Variants in EPHA8 observed in about 807,000 individuals in gnomAD.
The protein encoded by EPHA8 is EPH receptor A8.
EPHA8 carries 58 observed loss-of-function variants against 103.6 expected under a neutral mutation model. The ratio of observed to expected loss-of-function variants is 0.56; its 90% CI spans 0.45 to 0.70. EPHA8 has a LOEUF of 0.70. Ranked by LOEUF, EPHA8 falls within the 30% of genes least tolerant of loss-of-function variation. The pLI is 0.00. For missense variants in EPHA8, 1,304 were observed against 1,395.2 expected (o/e 0.93, Z 1.04); for synonymous variants, 559 against 572.5 (o/e 0.98, Z 0.34).
chr1:22,586,694 G>A, intron 4 of EPHA8, 59 bp downstream of exon 4: 1 of 1,585,062 alleles, frequency 6.3e-7, no homozygotes, highest in Admixed American at 1.7e-5. Flanking sequence ...GGGCCCCTGT[G>A]TTTGGTCCTC....
In EPHA8 at chr1:22,589,498, G is replaced by A; in HGVS notation, c.1315+292G>A. ...TCTCTGTGCCTCAGTTTCCTCCCTG[G>A]TGCAATGGGAATAATAGTACCTGCC... On this transcript the variant is annotated intron_variant, in intron 5 of 16. Transcript: ENST00000166244. This position sits in a 1 kb window ranked among gnomAD's most constrained non-coding sequence, Gnocchi z 4.3. 1 of 1,444,380 alleles carries A rather than the reference G, an allele frequency of 6.9e-7. No homozygotes were observed. Among genetic ancestry groups the A allele is most frequent in the East Asian group, 2.4e-5 (1 of 41,682 alleles). 89.5% of individuals were successfully genotyped at this position (1,444,380 alleles called of 1,614,324 possible).
intron 2 of EPHA8, among the ~76,000 whole-genome samples, chr1:22,575,449 TGTTGTCGA>T (rs1247284973): frequency 6.6e-6 from 1 of 152,232 alleles, no homozygotes; most frequent in Non-Finnish European, 1.5e-5. Context: ...TCTTTTCTGT[TGTTGTCGA>T]GTTGTGGGAA....
At position 22,597,727 on chromosome 1, in the gene EPHA8, A is replaced by T. The variant is rs762652898; in HGVS notation, c.1982A>T (p.Asp661Val). The T allele has an allele frequency of 2.5e-6, 4 of 1,612,892 alleles. No homozygotes were observed. Among genetic ancestry groups the T allele is most frequent in the Non-Finnish European group, 3.4e-6 (4 of 1,179,900 alleles). The part of the protein sequence containing the change: ...YGRLRVPGQR[D>V]VPVAIKALKA... ...AGGCTGCGGGTGCCAGGGCAGCGGGATGTGCCCGTGGCCATCAAGGCCCTC... is the reference window on the plus strand; with the variant it reads ...AGGCTGCGGGTGCCAGGGCAGCGGGTTGTGCCCGTGGCCATCAAGGCCCTC... The change falls in exon 11 of 17, where the codon GAT (aspartate) becomes GTT (valine). Residue 661 changes from aspartate (D) to valine (V), a missense_variant. Asp to Val is a radical substitution (Grantham distance 152). Transcript: ENST00000166244. The surrounding 1 kb of genome is among the most constrained non-coding windows in gnomAD (Gnocchi z 4.6).
chr1:22,571,922 C>A lies in EPHA8; in HGVS notation c.159+2569C>A, dbSNP rs184041269. 1.1e-3 allele frequency among the ~76,000 whole-genome samples: 161 copies of A among 152,134 alleles called. 3 individuals are homozygous for A. The East Asian group carries it at 0.025, about 24-fold the overall frequency. On this transcript the variant is annotated intron_variant, in intron 2 of 16. Transcript: ENST00000166244. ...AGTGGTGGTGCACGCTTGTGGTCCCCGCTACTCAGGAGGCTGAGGTAGGAG... is the reference window on the plus strand; with the variant it reads ...AGTGGTGGTGCACGCTTGTGGTCCCAGCTACTCAGGAGGCTGAGGTAGGAG...
intron 5 of EPHA8, among the ~76,000 whole-genome samples, chr1:22,592,352 A>G (rs1332265785): frequency 3.3e-5 from 5 of 152,018 alleles, no homozygotes; most frequent in Admixed American, 3.3e-4. Context: ...GGTGCTCACT[A>G]GCTTCACTTT....
chr1:22,597,929 T>A lies in EPHA8; in HGVS notation c.2116+68T>A, dbSNP rs1641569536. On this transcript the variant is annotated intron_variant, in intron 11 of 16. Coordinates refer to ENST00000166244, the MANE Select transcript of EPHA8 (RefSeq NM_020526.5). This position sits in a 1 kb window ranked among gnomAD's most constrained non-coding sequence, Gnocchi z 4.6. Reference sequence around the variant, plus strand: ...CTGCCTGGAGAGGCCTCTGGGTCCATCCCCTCATCCATCCTGCTCTGCCCC... The same window carrying A: ...CTGCCTGGAGAGGCCTCTGGGTCCAACCCCTCATCCATCCTGCTCTGCCCC... The A allele has an allele frequency of 6.4e-7, 1 of 1,551,584 alleles. No homozygotes were observed.
rs1383462436 is a variant in EPHA8, at chr1:22,569,258, G to T, written c.95-31G>T. ...GAGGAGCTGGGGAGAAGTCAGAGGG[G>T]CCTGATGCCCTCTTGTCTCCTGTTT... is the stretch of plus-strand genomic sequence containing the variant. On this transcript the variant is annotated intron_variant, in intron 1 of 16. Transcript: ENST00000166244. This position sits in a 1 kb window ranked among gnomAD's most constrained non-coding sequence, Gnocchi z 4.5. 1.2e-6 allele frequency: 2 copies of T among 1,612,406 alleles called. No individual in the cohort carries two copies. Among genetic ancestry groups the T allele is most frequent in the Non-Finnish European group, 1.7e-6 (2 of 1,179,072 alleles).
rs3767563 is a variant in EPHA8, at chr1:22,567,321, A to T, written c.95-1968A>T. On this transcript the variant is annotated intron_variant, in intron 1 of 16. Coordinates refer to ENST00000166244, the MANE Select transcript of EPHA8 (RefSeq NM_020526.5). This position sits in a 1 kb window ranked among gnomAD's most constrained non-coding sequence, Gnocchi z 4.2. Reference sequence around the variant, plus strand: ...ACTCGGCTTTGCTGGTCTGGGGGAAACTGCAGTGCGGCCCCCTCCCCCTCC... The same window carrying T: ...ACTCGGCTTTGCTGGTCTGGGGGAATCTGCAGTGCGGCCCCCTCCCCCTCC... Among the ~76,000 whole-genome samples the T allele has an allele frequency of 8.0e-4, 122 of 152,158 alleles. 2 individuals are homozygous for T. In the East Asian group the frequency reaches 0.019, roughly 24 times the overall value.
Position 22,576,952 on chromosome 1 carries a change from A to G in EPHA8, c.823+72A>G. ...GGTCTTGGCAGGGCTGCCAGGGTGT[A>G]AGGGGGGACGTCAGAGCCCACAGGC... On this transcript the variant is annotated intron_variant, in intron 3 of 16. Transcript: ENST00000166244. This position sits in a 1 kb window ranked among gnomAD's most constrained non-coding sequence, Gnocchi z 4.8. The G allele has an allele frequency of 1.3e-6, 2 of 1,491,324 alleles. No individual in the cohort carries two copies. Among genetic ancestry groups the G allele is most frequent in the Admixed American group, 2.2e-5 (1 of 46,108 alleles). 92.4% of individuals were successfully genotyped at this position (1,491,324 alleles called of 1,614,324 possible).
At chr1:22,581,009 T>C (rs908402247) in intron 3 of EPHA8, among the ~76,000 whole-genome samples, 23 of 152,232 alleles carry the variant, frequency 1.5e-4, no homozygotes, top group African/African-American at 5.3e-4. Flanking sequence ...CTGCTGAGCA[T>C]CTACTGTGTC....
intron 3 of EPHA8, among the ~76,000 whole-genome samples, chr1:22,580,598 C>T (rs1191587560): frequency 6.6e-6 from 1 of 152,226 alleles, no homozygotes; most frequent in Non-Finnish European, 1.5e-5. Flanking sequence ...CCCCAGGCCA[C>T]AAGCTCTCAT....
At chr1:22,590,994 G>A (rs902069345) in intron 5 of EPHA8, among the ~76,000 whole-genome samples, 3 of 150,476 alleles carry the variant, frequency 2.0e-5, no homozygotes, top group African/African-American at 7.4e-5. Context: ...ATGACCAACT[G>A]ACTTCCACCC....
Position 22,576,090 on chromosome 1 carries a change from A to G in EPHA8, c.160-127A>G. The G allele has an allele frequency of 9.3e-7, 1 of 1,079,156 alleles. No individual in the cohort carries two copies. Among genetic ancestry groups the G allele is most frequent in the Non-Finnish European group, 1.3e-6 (1 of 742,570 alleles). The allele number at this position is 1,079,156 out of a possible 1,614,324, so 66.8% of individuals were successfully genotyped here. A position where few individuals can be genotyped will look rare whatever the true frequency, so the allele number is the denominator to read the frequency against. On this transcript the variant is annotated intron_variant, in intron 2 of 16. Transcript: ENST00000166244. The surrounding 1 kb of genome is among the most constrained non-coding windows in gnomAD (Gnocchi z 4.8). ...GTCTGCAGGGGGCCTGGCATCTAGT[A>G]GCCACCAGGAGGCCAGCTCCTTTGT...
chr1:22,593,408 G>T lies in EPHA8; in HGVS notation c.1398G>T (p.Pro466=). Residue 466 remains proline (P), a synonymous_variant, in exon 6 of 17, where the codon CCG becomes CCT. Coordinates refer to ENST00000166244, the MANE Select transcript of EPHA8 (RefSeq NM_020526.5). ...VSLLWQEPEQ[P]NGIILEYEIK... ...TGCTGTGGCAGGAGCCCGAGCAGCC[G>T]AACGGCATCATCCTGGAGTATGAGA... is the stretch of plus-strand genomic sequence containing the variant. 6.3e-7 allele frequency: 1 copy of T among 1,596,314 alleles called. No homozygotes were observed. The highest frequency in any genetic ancestry group is 8.5e-7 in the Non-Finnish European group (1 of 1,172,842).
At chr1:22,599,140 G>T in intron 13 of EPHA8, 93 bp downstream of exon 13, 1 of 1,390,732 alleles carries the variant, frequency 7.2e-7, no homozygotes, top group Non-Finnish European at 9.8e-7. Flanking sequence ...GTAGCTGAAT[G>T]AAGTTGGCAG....
chr1:22,600,061 G>C (rs1641667269), intron 13 of EPHA8, among the ~76,000 whole-genome samples: 1 of 115,846 alleles, frequency 8.6e-6, no homozygotes, highest in African/African-American at 3.5e-5. Context: ...AGGAAGGAAG[G>C]GGGGATGGAG....
intron 2 of EPHA8, among the ~76,000 whole-genome samples, chr1:22,574,268 C>T (rs573235493): frequency 6.6e-6 from 1 of 151,554 alleles, no homozygotes; most frequent in South Asian, 2.1e-4. Context: ...CGTGAGCCAC[C>T]GCGCCCGGCC....
intron 16 of EPHA8, 49 bp downstream of exon 16, chr1:22,601,522 G>C (rs745761595): frequency 6.2e-7 from 1 of 1,603,578 alleles, no homozygotes; most frequent in Non-Finnish European, 8.5e-7. Context: ...GGCAGGGGGG[G>C]GGACCCCTGC....
chr1:22,593,189 GT>G, intron 5 of EPHA8, 136 bp from the exon 6 acceptor site: 1 of 1,334,834 alleles, frequency 7.5e-7, no homozygotes, highest in Non-Finnish European at 1.0e-6. Context: ...GGTGCTGGCT[GT>G]CCTGGGGCTG....
Sources: allele counts gnomAD v4.1 joint callset (sites outside exome capture counted in the v4.1 genomes callset), GRCh38; gene constraint gnomAD v4.1.1; non-coding constraint Gnocchi (gnomAD v3.1); transcripts MANE v1.5; gene names NCBI Gene and HGNC (gene_info 2026-07-23, HGNC 2026-07-21).